The following HERC5 variants were observed in gnomAD, a reference collection of about 807,000 sequenced individuals.
HERC5 encodes HECT and RLD domain containing E3 ubiquitin protein ligase 5.
In HERC5, 99 loss-of-function variants were observed where a neutral mutation model predicts 119.6. The ratio of observed to expected loss-of-function variants is 0.83; its 90% CI spans 0.70 to 0.98. HERC5 has a LOEUF of 0.98. HERC5 is among the 50% of genes least tolerant of loss of function. The pLI is 0.00. For missense variants in HERC5, 1,267 were observed against 1,241.3 expected, an observed-to-expected ratio of 1.02 and a Z score of -0.31; for synonymous variants, 478 against 445.9, an observed-to-expected ratio of 1.07 and a Z score of -0.91.
At chr4:88,458,171 G>C (rs1036855715) in intron 1 of HERC5, 1 of 673,038 alleles carries the variant, frequency 1.5e-6, no homozygotes, top group Non-Finnish European at 1.8e-6. Context: ...TTTCTTATTT[G>C]TATGGAAGAG....
chr4:88,502,838 C>T (rs796608771), intron 20 of HERC5, among the ~76,000 whole-genome samples: 10 of 151,304 alleles, frequency 6.6e-5, no homozygotes, highest in African/African-American at 2.2e-4. Flanking sequence ...ATAATTATTC[C>T]TCATCTTTAG....
rs548001263 is a variant in HERC5 at position 88,475,955 on chromosome 4, A to G, written c.1507A>G (p.Asn503Asp). The change falls in exon 12 of 23, where the codon AAC becomes GAC. Residue 503 changes from asparagine to aspartate, a missense_variant. Coordinates refer to ENST00000264350, the MANE Select transcript of HERC5 (RefSeq NM_016323.4). The part of the protein sequence containing the change: ...LPECPMMHIS[N>D]NWESLVVPFA... ...AGAATGTCCTATGATGCATATTTCC[A>G]ACAACTGGGAGAGCCTTGTGGTTCC... The G allele has an allele frequency of 6.2e-7, 1 of 1,614,102 alleles. No homozygotes were observed. The highest frequency in any genetic ancestry group is 1.3e-5 in the African/African-American group (1 of 75,054).
At chr4:88,466,483 C>G (rs1740669290) in intron 6 of HERC5, among the ~76,000 whole-genome samples, 1 of 152,162 alleles carries the variant, frequency 6.6e-6, no homozygotes, top group Non-Finnish European at 1.5e-5. Flanking sequence ...TGATTTACAT[C>G]ACAGGCCAGG....
intron 15 of HERC5, among the ~76,000 whole-genome samples, chr4:88,488,611 A>C (rs578045019): frequency 2.8e-4 from 42 of 149,054 alleles, no homozygotes; most frequent in African/African-American, 9.4e-4. Context: ...TGTCTCTCCC[A>C]CTCTCTCTCC....
rs762740352 is a variant in HERC5, at chr4:88,463,533, T to C, written c.690T>C (p.Ser230=). 2 of 1,610,756 alleles carry C rather than the reference T, an allele frequency of 1.2e-6. No homozygotes were observed. The highest frequency in any genetic ancestry group is 1.7e-6 in the Non-Finnish European group (2 of 1,177,378). The change falls in exon 5 of 23, where the codon AGT becomes AGC. Residue 230 remains serine (S), a splice_region_variant and synonymous_variant. Coordinates refer to ENST00000264350, the MANE Select transcript of HERC5 (RefSeq NM_016323.4). ...CGQLGLGHTE[S]KDDPSLIEGL... is the part of the protein sequence containing the mutation. ...TCAGCTATTTTTTTCCTTACATAGG[T>C]AAAGATGATCCATCCCTTATTGAAG...
In HERC5 at chr4:88,489,207, G is replaced by A. The variant is rs761393280; in HGVS notation, c.2004G>A (p.Glu668=). 1.9e-6 allele frequency: 3 copies of A among 1,613,576 alleles called. No individual in the cohort carries two copies. Among genetic ancestry groups the A allele is most frequent in the Non-Finnish European group, 1.7e-6 (2 of 1,179,798 alleles). ...CTTATCTTAGGTCGGCAGCAATTGA[G>A]GAAGAAAGAGAGTCTGAATTCGCTT... The part of the protein sequence containing the change: ...HKAYLRSAAI[E]EERESEFALR... Residue 668 remains glutamate, a synonymous_variant, in exon 16 of 23, where the codon GAG becomes GAA. Transcript: ENST00000264350.
At chr4:88,457,927 T>A in intron 1 of HERC5, 2 of 1,010,252 alleles carry the variant, frequency 2.0e-6, no homozygotes, top group Non-Finnish European at 2.4e-6. Flanking sequence ...TTGGGAGTCG[T>A]TCTCAGTGAT....
intron 14 of HERC5, 51 bp from the exon 15 acceptor site, chr4:88,487,018 A>T: frequency 7.8e-7 from 1 of 1,278,772 alleles, no homozygotes. Flanking sequence ...GTAAAGTGTA[A>T]GGTTTCTCTG....
Position 88,504,342 on chromosome 4 carries a change from A to G in HERC5, c.2693A>G (p.Lys898Arg), listed in dbSNP as rs748991107. ...AAAATGTGCGACGAAGACATTATCA[A>G]ATTATTCCACCCCGAAGAACTGAAG... ...FYKMCDEDIIKLFHPEELKDV... is the reference protein window; with the variant it reads ...FYKMCDEDIIRLFHPEELKDV... Residue 898 changes from lysine (K) to arginine (R), a missense_variant, in exon 21 of 23, where the codon AAA becomes AGA. Transcript: ENST00000264350. 6.2e-7 allele frequency: 1 copy of G among 1,613,150 alleles called. No individual in the cohort carries two copies. Among genetic ancestry groups the G allele is most frequent in the Admixed American group, 1.7e-5 (1 of 60,004 alleles).
chr4:88,505,860 C>T lies in HERC5; in HGVS notation c.3057C>T (p.Asn1019=), dbSNP rs780734258. The change falls in exon 23 of 23, where the codon AAC becomes AAT. Residue 1019 remains asparagine (N), a synonymous_variant. Transcript: ENST00000264350. ...VEEALQEAIN[N]NRGFG Reference sequence around the variant, plus strand: ...AAGCGCTTCAAGAAGCCATCAACAACAACAGAGGATTTGGCTGACCAGCTT... The same window carrying T: ...AAGCGCTTCAAGAAGCCATCAACAATAACAGAGGATTTGGCTGACCAGCTT... 5.6e-6 allele frequency: 9 copies of T among 1,610,922 alleles called. No homozygotes were observed. The highest frequency in any genetic ancestry group is 1.7e-5 in the Admixed American group (1 of 59,822).
chr4:88,487,800 A>C (rs1164812509), intron 15 of HERC5, among the ~76,000 whole-genome samples: 1 of 152,342 alleles, frequency 6.6e-6, no homozygotes, highest in African/African-American at 2.4e-5. Context: ...TGGGCAATTG[A>C]AAATTCCCAA....
chr4:88,492,224 G>A (rs1254091183), intron 16 of HERC5, among the ~76,000 whole-genome samples: 2 of 151,550 alleles, frequency 1.3e-5, no homozygotes, highest in Non-Finnish European at 2.9e-5. Flanking sequence ...GACTGGTCAC[G>A]AACTCCTGAC....
At chr4:88,499,026 A>G (rs909631072) in intron 18 of HERC5, among the ~76,000 whole-genome samples, 4 of 152,136 alleles carry the variant, frequency 2.6e-5, no homozygotes, top group African/African-American at 7.2e-5. Flanking sequence ...CCCAGTGGGG[A>G]AAAAAAATCA....
Position 88,505,919 on chromosome 4 carries a change from C to CGTTGTTGTTGTTGTT in HERC5, c.*54_*68dup. On this transcript the variant is annotated 3_prime_UTR_variant, in exon 23 of 23. Coordinates refer to ENST00000264350, the MANE Select transcript of HERC5 (RefSeq NM_016323.4). Reference sequence around the variant, plus strand: ...AACAGCCTTATTTTGTTGTTGTTATCGTTGTTGTTGTTGTTGTTGTTGTTG... The same window carrying CGTTGTTGTTGTTGTT: ...AACAGCCTTATTTTGTTGTTGTTATCGTTGTTGTTGTTGTTGTTGTTGTTGTTGTTGTTGTTGTTG... The CGTTGTTGTTGTTGTT allele has an allele frequency of 1.4e-6, 2 of 1,431,080 alleles. No individual in the cohort carries two copies. Among genetic ancestry groups the CGTTGTTGTTGTTGTT allele is most frequent in the Non-Finnish European group, 1.9e-6 (2 of 1,036,038 alleles). 88.6% of individuals were successfully genotyped at this position (1,431,080 alleles called of 1,614,324 possible).
chr4:88,463,399 C>A, intron 4 of HERC5, 133 bp from the exon 5 acceptor site: 1 of 608,612 alleles, frequency 1.6e-6, no homozygotes, highest in Non-Finnish European at 2.9e-6. Flanking sequence ...CTAAACATGG[C>A]AACATAGAGC....
chr4:88,482,035 G>C (rs1741294345), intron 13 of HERC5, among the ~76,000 whole-genome samples: 1 of 152,178 alleles, frequency 6.6e-6, no homozygotes, highest in African/African-American at 2.4e-5. Flanking sequence ...CTTGCTGGGT[G>C]TGGTGGCTCA....
chr4:88,504,085 C>A, intron 20 of HERC5, 147 bp from the exon 21 acceptor site: 3 of 432,808 alleles, frequency 6.9e-6, no homozygotes, highest in Admixed American at 4.0e-5. Flanking sequence ...AAAAAAATTA[C>A]ATTAGATAAT....
intron 18 of HERC5, among the ~76,000 whole-genome samples, chr4:88,497,289 CAGA>C (rs1175598907): frequency 6.6e-6 from 1 of 152,060 alleles, no homozygotes; most frequent in Non-Finnish European, 1.5e-5. Context: ...GGCAAGGGCT[CAGA>C]AGAAGAGGAG....
rs759895396 is a variant in HERC5, at chr4:88,459,442, T to C, written c.361T>C (p.Tyr121His). Reference sequence around the variant, plus strand: ...CTCATCAGATGGAAAACCATTTGAGTATGACAACTATAGCATGAAACATCT... The same window carrying C: ...CTCATCAGATGGAAAACCATTTGAGCATGACAACTATAGCATGAAACATCT... ...ILSSDGKPFEYDNYSMKHLRF... is the reference protein window; with the variant it reads ...ILSSDGKPFEHDNYSMKHLRF... The change falls in exon 2 of 23, where the codon TAT becomes CAT. Residue 121 changes from tyrosine (Y) to histidine (H), a missense_variant. Physicochemically the swap from Tyr to His is moderately conservative, Grantham distance 83. Transcript: ENST00000264350. 1 of 1,581,596 alleles carries C rather than the reference T, an allele frequency of 6.3e-7. No homozygotes were observed. The highest frequency in any genetic ancestry group is 1.4e-5 in the African/African-American group (1 of 73,682).
Sources: allele counts gnomAD v4.1 joint callset (sites outside exome capture counted in the v4.1 genomes callset), GRCh38; gene constraint gnomAD v4.1.1; transcripts MANE v1.5; gene names NCBI Gene and HGNC (gene_info 2026-07-23, HGNC 2026-07-21).